Variants in SLC1A1 observed in about 807,000 individuals in gnomAD.
SLC1A1 encodes solute carrier family 1 member 1.
A neutral mutation model predicts 53.3 loss-of-function variants in SLC1A1; 43 were observed. The ratio of observed to expected loss-of-function variants is 0.81; its 90% confidence interval spans 0.63 to 1.04. The LOEUF (loss-of-function observed/expected upper bound fraction) is 1.04. Ranked by LOEUF, SLC1A1 falls within the 50% of genes least tolerant of loss-of-function variation. The pLI is 0.00. For synonymous variants in SLC1A1, 307 were observed against 243.2 expected, an observed-to-expected ratio of 1.26 and a Z score of -2.44; for missense variants, 748 against 664.9, an observed-to-expected ratio of 1.12 and a Z score of -1.37.
At chr9:4,490,832 G>A (rs1820207999) in intron 1 of SLC1A1, 62 bp downstream of exon 1, 2 of 1,414,012 alleles carry the variant, frequency 1.4e-6, no homozygotes, top group South Asian at 1.2e-5. Context: ...CCCAGGCCGC[G>A]TGCGGCTGAG....
In SLC1A1 at chr9:4,526,683, A is replaced by C. The variant is rs571106129; in HGVS notation, c.92-17884A>C. 2.0e-5 allele frequency among the ~76,000 whole-genome samples: 3 copies of C among 152,316 alleles called. No individual in the cohort carries two copies. The East Asian group carries it at 5.8e-4, about 29-fold the overall frequency. On this transcript the variant is annotated intron_variant, in intron 1 of 11. Coordinates refer to ENST00000262352, the MANE Select transcript of SLC1A1 (RefSeq NM_004170.6). ...TACTCTTTCAAAGAATCAATAATTCAGATTCTGTATACTGAATAGAATTCT... is the reference window on the plus strand; with the variant it reads ...TACTCTTTCAAAGAATCAATAATTCCGATTCTGTATACTGAATAGAATTCT...
rs778411598 is a variant in SLC1A1 at position 4,564,400 on chromosome 9, G to A, written c.382G>A (p.Ala128Thr). Reference protein sequence around the residue: ...PGVTQKVGEIARTGSTPEVST... With the variant: ...PGVTQKVGEITRTGSTPEVST... ...TGTCACCCAGAAAGTGGGTGAAATT[G>A]CGAGGACAGGCAGCACCCCTGAAGT... Residue 128 changes from alanine to threonine, a missense_variant, in exon 4 of 12, where the codon GCG (alanine) becomes ACG (threonine). By Grantham distance (58) the Ala-to-Thr change is moderately conservative (BLOSUM62 0). Transcript: ENST00000262352. 6.2e-7 allele frequency: 1 copy of A among 1,613,952 alleles called. No homozygotes were observed. The highest frequency in any genetic ancestry group is 2.2e-5 in the East Asian group (1 of 44,874).
intron 10 of SLC1A1, 110 bp downstream of exon 10, chr9:4,576,873 G>C: frequency 1.0e-6 from 1 of 1,003,650 alleles, no homozygotes. Context: ...TCTTTTTCTT[G>C]ATCTATAAAG....
At chr9:4,570,021 A>C (rs562625220) in intron 6 of SLC1A1, among the ~76,000 whole-genome samples, 1 of 152,322 alleles carries the variant, frequency 6.6e-6, no homozygotes, top group South Asian at 2.1e-4. Context: ...AGCAAGAATT[A>C]TTCAAGCAGG....
At position 4,561,494 on chromosome 9, in the gene SLC1A1, G is replaced by A. The variant is rs778461905; in HGVS notation, c.278G>A (p.Arg93His). 4.3e-5 allele frequency: 69 copies of A among 1,610,550 alleles called. No individual in the cohort carries two copies. Among genetic ancestry groups the A allele is most frequent in the Middle Eastern group, 1.6e-4 (1 of 6,082 alleles). Residue 93 changes from arginine to histidine, a missense_variant, in exon 3 of 12, where the codon CGC becomes CAC. By Grantham distance (29) the Arg-to-His change is conservative. Transcript: ENST00000262352. ...AACGTATCCGGAAAAATTGGTCTGC[G>A]CGCTGTCGTGTATTATTTCTGTACC... ...DSNVSGKIGL[R>H]AVVYYFCTTL...
At chr9:4,497,091 G>T (rs183827258) in intron 1 of SLC1A1, among the ~76,000 whole-genome samples, 1 of 152,056 alleles carries the variant, frequency 6.6e-6, no homozygotes, top group Non-Finnish European at 1.5e-5. Flanking sequence ...TCCTGTGGCT[G>T]CCCTAACAAA....
chr9:4,578,411 T>C (rs1244650663), intron 10 of SLC1A1, among the ~76,000 whole-genome samples: 1 of 152,136 alleles, frequency 6.6e-6, no homozygotes, highest in Non-Finnish European at 1.5e-5. Flanking sequence ...ACTCAGTGAA[T>C]GTTGAAAATG....
rs898522093 is a variant in SLC1A1 at position 4,549,415 on chromosome 9, T to C, written c.232+4708T>C. Among the ~76,000 whole-genome samples, 3 of 152,160 alleles carry C rather than the reference T, an allele frequency of 2.0e-5. No individual in the cohort carries two copies. Among genetic ancestry groups the C allele is most frequent in the African/African-American group, 7.2e-5 (3 of 41,412 alleles). Reference sequence around the variant, plus strand: ...TGAGACCACACTTCTACTCAGGACATAATCTTTGCTAAAGGTAACCAAAAG... The same window carrying C: ...TGAGACCACACTTCTACTCAGGACACAATCTTTGCTAAAGGTAACCAAAAG... On this transcript the variant is annotated intron_variant, in intron 2 of 11. Transcript: ENST00000262352. The surrounding 1 kb of genome is among the most constrained non-coding windows in gnomAD (Gnocchi z 4.1).
intron 1 of SLC1A1, among the ~76,000 whole-genome samples, chr9:4,543,435 G>A (rs1817186273): frequency 1.3e-5 from 2 of 152,194 alleles, no homozygotes; most frequent in South Asian, 2.1e-4. Context: ...GATGTTATTA[G>A]AAATACTTGG....
At chr9:4,505,776 C>A (rs1220104727) in intron 1 of SLC1A1, among the ~76,000 whole-genome samples, 1 of 152,208 alleles carries the variant, frequency 6.6e-6, no homozygotes, top group Non-Finnish European at 1.5e-5. Context: ...GCTGCCTCAG[C>A]CTCCCGAGTA....
At position 4,573,981 on chromosome 9, in the gene SLC1A1, A is replaced by G; in HGVS notation, c.842A>G (p.Lys281Arg). The G allele has an allele frequency of 6.2e-7, 1 of 1,613,942 alleles. No homozygotes were observed. The highest frequency in any genetic ancestry group is 8.5e-7 in the Non-Finnish European group (1 of 1,179,778). The change falls in exon 8 of 12, where the codon AAG becomes AGG. Residue 281 changes from lysine to arginine, a missense_variant. Transcript: ENST00000262352. ...GTTGAAGACTGGGAAATATTCCGCA[A>G]GCTGGGCCTTTACATGGCCACAGTC... The part of the protein sequence containing the change: ...IEVEDWEIFR[K>R]LGLYMATVLT...
intron 10 of SLC1A1, among the ~76,000 whole-genome samples, chr9:4,578,706 G>A (rs1006433575): frequency 2.6e-5 from 4 of 152,224 alleles, no homozygotes; most frequent in Non-Finnish European, 5.9e-5. Context: ...GTCATTAGTG[G>A]ATTTTGCCAG....
intron 1 of SLC1A1, among the ~76,000 whole-genome samples, chr9:4,505,122 C>T (rs928708252): frequency 2.1e-5 from 3 of 143,364 alleles, no homozygotes; most frequent in Admixed American, 7.3e-5. Flanking sequence ...TCTTGGCTCA[C>T]TGCAACCTCC....
chr9:4,569,450 A>G (rs2129748386), intron 6 of SLC1A1, among the ~76,000 whole-genome samples: 1 of 152,326 alleles, frequency 6.6e-6, no homozygotes, highest in East Asian at 1.9e-4. Context: ...AGTTTGCTAT[A>G]AACTTATCAA....
intron 1 of SLC1A1, among the ~76,000 whole-genome samples, chr9:4,518,234 C>CAAAAAAAAA (rs34559140): frequency 1.7e-5 from 1 of 60,428 alleles, no homozygotes; most frequent in Non-Finnish European, 2.8e-5. Flanking sequence ...TATTCCACCT[C>CAAAAAAAAA]AAAAAAAAAA....
rs35045656 is a variant in SLC1A1, at chr9:4,574,081, G to T, written c.875+67G>T. 12,460 of 1,107,130 alleles carry T rather than the reference G, an allele frequency of 0.011. 868 individuals carry two copies. The African/African-American group carries it at 0.16, about 15-fold the overall frequency. 68.6% of individuals were successfully genotyped at this position (1,107,130 alleles called of 1,614,324 possible). On this transcript the variant is annotated intron_variant, in intron 8 of 11. Coordinates refer to ENST00000262352, the MANE Select transcript of SLC1A1 (RefSeq NM_004170.6). ...CTAATAGGATGGCCGCTGAGAGGTT[G>T]GGTTTCAGTTGGTTAAAACTGGCTT...
intron 6 of SLC1A1, among the ~76,000 whole-genome samples, chr9:4,569,087 G>C (rs1319202513): frequency 6.6e-6 from 1 of 152,056 alleles, no homozygotes; most frequent in Non-Finnish European, 1.5e-5. Flanking sequence ...AGCAAAAAAA[G>C]AGCCCTGTTG....
intron 1 of SLC1A1, among the ~76,000 whole-genome samples, chr9:4,504,071 G>A (rs536653620): frequency 1.3e-5 from 2 of 151,896 alleles, no homozygotes; most frequent in East Asian, 3.9e-4. Context: ...TGACCCTGAA[G>A]CTCCCAGACT....
chr9:4,550,839 T>C (rs962227257), intron 2 of SLC1A1, among the ~76,000 whole-genome samples: 1 of 152,218 alleles, frequency 6.6e-6, no homozygotes, highest in African/African-American at 2.4e-5. Flanking sequence ...ATAGTAAATA[T>C]TCTAGGTTTT....
Sources: gnomAD v4.1 joint callset for allele counts (sites outside exome capture counted in the v4.1 genomes callset) on GRCh38, gnomAD v4.1.1 for gene constraint, Gnocchi (gnomAD v3.1) non-coding constraint, MANE v1.5 for transcripts, NCBI Gene and HGNC (gene_info 2026-07-23, HGNC 2026-07-21) for gene names.